Variants in TMEM41B observed in about 807,000 individuals in gnomAD.
TMEM41B encodes protein stasimon.
In TMEM41B, 18 loss-of-function variants were observed where a neutral mutation model predicts 31.9. The ratio of observed to expected loss-of-function variants is 0.56; its 90% CI spans 0.39 to 0.84. TMEM41B has a LOEUF of 0.84. TMEM41B is among the 40% of genes least tolerant of loss of function. The probability of loss-of-function intolerance (pLI) is 0.00; values close to 1 mark genes in which losing one functional copy is unlikely to be tolerated. For missense variants in TMEM41B, 322 were observed against 348.0 expected, an observed-to-expected ratio of 0.93 and a Z score of 0.59; for synonymous variants, 144 against 124.3, an observed-to-expected ratio of 1.16 and a Z score of -1.05.
Position 9,283,504 on chromosome 11 carries a change from T to C in TMEM41B, c.796A>G (p.Ile266Val), listed in dbSNP as rs78813996. 6.8e-3 allele frequency: 10,974 copies of C among 1,613,586 alleles called. 799 individuals are homozygous for C. The East Asian group carries it at 0.18, about 26-fold the overall frequency. The change falls in exon 7 of 7, where the codon ATA becomes GTA. Residue 266 changes from isoleucine to valine, a missense_variant. Coordinates refer to ENST00000528080, the MANE Select transcript of TMEM41B (RefSeq NM_015012.4). ...TAGEAVSWNS[I>V]FILMILAVLS... ...ACAGCCAAGATCATCAGAATAAATA[T>C]TGAGTTCCAGGAAACAGCTTCTCCT... is the stretch of plus-strand genomic sequence containing the variant.
chr11:9,288,766 C>T (rs997398406), intron 3 of TMEM41B, among the ~76,000 whole-genome samples: 8 of 152,052 alleles, frequency 5.3e-5, no homozygotes, highest in Non-Finnish European at 8.8e-5. Flanking sequence ...AGAGAGGAAC[C>T]GGGCACTTTG....
At chr11:9,297,368 AG>A (rs1396986490) in intron 2 of TMEM41B, among the ~76,000 whole-genome samples, 1 of 152,166 alleles carries the variant, frequency 6.6e-6, no homozygotes, top group Non-Finnish European at 1.5e-5. Flanking sequence ...TACAGGCATG[AG>A]CCACCGCGCC....
intron 1 of TMEM41B, among the ~76,000 whole-genome samples, chr11:9,301,475 A>C (rs1327892871): frequency 1.3e-5 from 2 of 152,168 alleles, no homozygotes; most frequent in Non-Finnish European, 2.9e-5. Flanking sequence ...AAGTATCCTA[A>C]AAGTACTGAA....
At chr11:9,304,573 G>T (rs922524297) in intron 1 of TMEM41B, among the ~76,000 whole-genome samples, 13 of 151,944 alleles carry the variant, frequency 8.6e-5, no homozygotes, top group African/African-American at 3.1e-4. Flanking sequence ...CCTGGGAGTT[G>T]AATGCCTTCA....
At chr11:9,311,282 G>C in intron 1 of TMEM41B, 3 of 1,512,222 alleles carry the variant, frequency 2.0e-6, no homozygotes, top group Non-Finnish European at 2.7e-6. Context: ...CCTGTATTCA[G>C]TCAGAATCAC....
chr11:9,311,382 A>G, intron 1 of TMEM41B: 1 of 1,468,182 alleles, frequency 6.8e-7, no homozygotes, highest in Non-Finnish European at 9.5e-7. Flanking sequence ...GCCCACTATC[A>G]CTGCTGGTCC....
intron 1 of TMEM41B, chr11:9,311,336 T>C: frequency 4.0e-6 from 6 of 1,511,952 alleles, no homozygotes; most frequent in Non-Finnish European, 5.5e-6. Flanking sequence ...TGTGCATCTT[T>C]TTATGAGCTT....
In TMEM41B at chr11:9,314,558, C is replaced by G; in HGVS notation, c.-117G>C. 7.2e-7 allele frequency: 1 copy of G among 1,394,140 alleles called. No homozygotes were observed. The highest frequency in any genetic ancestry group is 2.7e-5 in the East Asian group (1 of 37,280). 86.4% of individuals were successfully genotyped at this position (1,394,140 alleles called of 1,614,324 possible). On this transcript the variant is annotated 5_prime_UTR_variant, in exon 1 of 7. Transcript: ENST00000528080. ...GCTAGAGCCACTTCCGGCGCGACCT[C>G]CTCACCCGAGACGACCTCAGCCCAG...
intron 4 of TMEM41B, 150 bp from the exon 5 acceptor site, chr11:9,287,956 T>TA: frequency 1.5e-6 from 1 of 652,104 alleles, no homozygotes; most frequent in East Asian, 2.9e-5. Context: ...GATGATCTAG[T>TA]ACTTTCTCAG....
chr11:9,294,331 C>T (rs1853034781), intron 3 of TMEM41B, among the ~76,000 whole-genome samples: 2 of 151,490 alleles, frequency 1.3e-5, no homozygotes, highest in Non-Finnish European at 2.9e-5. Context: ...TCCGTCTCTA[C>T]TGAAAATACA....
At chr11:9,310,617 C>T (rs189000000) in intron 1 of TMEM41B, among the ~76,000 whole-genome samples, 4 of 148,636 alleles carry the variant, frequency 2.7e-5, no homozygotes, top group African/African-American at 7.5e-5. Flanking sequence ...GTTATGTACT[C>T]TAGTCCAGTC....
At chr11:9,309,892 C>T (rs1408730231) in intron 1 of TMEM41B, among the ~76,000 whole-genome samples, 2 of 147,032 alleles carry the variant, frequency 1.4e-5, no homozygotes, top group Non-Finnish European at 1.5e-5. Context: ...CACTGCACTC[C>T]AGCCTGGGTG....
At chr11:9,304,538 T>C (rs1853336514) in intron 1 of TMEM41B, among the ~76,000 whole-genome samples, 1 of 152,054 alleles carries the variant, frequency 6.6e-6, no homozygotes, top group Non-Finnish European at 1.5e-5. Context: ...AGTGGTGAAA[T>C]CATAGCTCAC....
At chr11:9,305,856 T>C (rs1182078246) in intron 1 of TMEM41B, among the ~76,000 whole-genome samples, 1 of 152,104 alleles carries the variant, frequency 6.6e-6, no homozygotes, top group Non-Finnish European at 1.5e-5. Context: ...AGACAGAGTC[T>C]ACCAAATCTT....
intron 1 of TMEM41B, among the ~76,000 whole-genome samples, chr11:9,304,663 A>C (rs1441554906): frequency 2.1e-5 from 3 of 144,626 alleles, no homozygotes; most frequent in Non-Finnish European, 4.7e-5. Flanking sequence ...TTAATTAATT[A>C]ATTTTTTTTT....
Position 9,299,307 on chromosome 11 carries a change from A to G in TMEM41B, c.239+277T>C, listed in dbSNP as rs1409536507. On this transcript the variant is annotated intron_variant, in intron 2 of 6. Transcript: ENST00000528080. ...CAAAAAAAAAAAAAAAAAAAAAAAG[A>G]AAGTATATATACATACATACACACA... is the stretch of plus-strand genomic sequence containing the variant. Among the ~76,000 whole-genome samples, 11 of 41,344 alleles carry G rather than the reference A, an allele frequency of 2.7e-4. No individual in the cohort carries two copies. The East Asian group carries it at 9.2e-3, about 34-fold the overall frequency. The allele number at this position is 41,344 out of a possible 152,430, so 27.1% of individuals were successfully genotyped here. A position where few individuals can be genotyped will look rare whatever the true frequency, so the allele number is the denominator to read the frequency against.
chr11:9,308,027 C>T (rs1167350296), intron 1 of TMEM41B, among the ~76,000 whole-genome samples: 2 of 152,018 alleles, frequency 1.3e-5, no homozygotes, highest in Admixed American at 6.5e-5. Context: ...TGAGCCACCG[C>T]GCCCAGCCTT....
At chr11:9,296,015 CCTGA>C (rs1371338141) in intron 2 of TMEM41B, among the ~76,000 whole-genome samples, 1 of 151,380 alleles carries the variant, frequency 6.6e-6, no homozygotes, top group East Asian at 2.0e-4. Context: ...TCCCACCATG[CCTGA>C]CTAATTTTTG....
chr11:9,299,754 G>T, intron 1 of TMEM41B, 53 bp from the exon 2 acceptor site: 1 of 1,258,970 alleles, frequency 7.9e-7, no homozygotes, highest in Non-Finnish European at 1.1e-6. Context: ...AGACATGCTA[G>T]CAAATAATTT....
Sources: allele counts gnomAD v4.1 joint callset (sites outside exome capture counted in the v4.1 genomes callset), GRCh38; gene constraint gnomAD v4.1.1; transcripts MANE v1.5; gene names NCBI Gene and HGNC (gene_info 2026-07-23, HGNC 2026-07-21).